The following HIC1 variants were observed in gnomAD, a reference collection of about 807,000 sequenced individuals.
The protein encoded by HIC1 is HIC ZBTB transcriptional repressor 1, also known as hypermethylated in cancer 1 protein.
In HIC1, 9 loss-of-function variants were observed where a neutral mutation model predicts 26.4. The observed-to-expected ratio is 0.34, with a 90% CI of 0.21 to 0.59. The LOEUF (loss-of-function observed/expected upper bound fraction) is 0.59. Among genes scored for constraint, HIC1 ranks in the 20% least tolerant of loss-of-function variants. The pLI, the probability that HIC1 is intolerant of heterozygous loss-of-function variation, is 0.82. For missense variants in HIC1, 965 were observed against 1,075.7 expected (o/e 0.90, Z 1.44); for synonymous variants, 631 against 523.1 (o/e 1.21, Z -2.81).
chr17:2,056,828 G>A lies in HIC1; in HGVS notation c.138G>A (p.Leu46=). ...TCTTCCGCGCGCACAAGAACGTGCTGGCGGCCAGCAGCGCCTACCTCAAGT... is the reference window on the plus strand; with the variant it reads ...TCTTCCGCGCGCACAAGAACGTGCTAGCGGCCAGCAGCGCCTACCTCAAGT... ...NALFRAHKNV[L]AASSAYLKSL... is the part of the protein sequence containing the mutation. The change falls in exon 2 of 2, where the codon CTG becomes CTA. Residue 46 remains leucine (L), a synonymous_variant. Transcript: ENST00000619757. 6.2e-7 allele frequency: 1 copy of A among 1,612,868 alleles called. No individual in the cohort carries two copies. Among genetic ancestry groups the A allele is most frequent in the African/African-American group, 1.3e-5 (1 of 75,074 alleles).
In HIC1 at chr17:2,061,475, G is replaced by GGC. The variant is rs2067774434; in HGVS notation, c.*2640_*2641insGC. On this transcript the variant is annotated 3_prime_UTR_variant, in exon 2 of 2. Transcript: ENST00000619757. ...TCAGGAACGGTTCCACGGGGGGGGGGCCCCAGTGTGGCTCCCTCAGCCCAC... is the reference window on the plus strand; with the variant it reads ...TCAGGAACGGTTCCACGGGGGGGGGGGCCCCCAGTGTGGCTCCCTCAGCCCAC... 6.4e-7 allele frequency: 1 copy of GGC among 1,565,314 alleles called. No individual in the cohort carries two copies. Among genetic ancestry groups the GGC allele is most frequent in the Non-Finnish European group, 8.6e-7 (1 of 1,156,798 alleles).
In HIC1 at chr17:2,057,226, C is replaced by A; in HGVS notation, c.536C>A (p.Pro179Gln). The A allele has an allele frequency of 7.1e-7, 1 of 1,414,426 alleles. No individual in the cohort carries two copies. Among genetic ancestry groups the A allele is most frequent in the Non-Finnish European group, 9.2e-7 (1 of 1,087,646 alleles). 87.6% of individuals were successfully genotyped at this position (1,414,426 alleles called of 1,614,324 possible). A position where few individuals can be genotyped will look rare whatever the true frequency, so the allele number is the denominator to read the frequency against. Residue 179 changes from proline to glutamine, a missense_variant, in exon 2 of 2, where the codon CCG becomes CAG. This residue lies in a region of HIC1 where 526 missense variants were observed against 525.0 expected (regional missense o/e 1.00). Transcript: ENST00000619757. ...CCGTCCCCAGTCGGGCCTCCGCCGCCGCCTGCCGCGGAGCCGCCCTCGGGC... is the reference window on the plus strand; with the variant it reads ...CCGTCCCCAGTCGGGCCTCCGCCGCAGCCTGCCGCGGAGCCGCCCTCGGGC... ...CYPSPVGPPP[P>Q]PAAEPPSGPE...
rs1002087914 is a variant in HIC1 at position 2,057,374 on chromosome 17, G to A, written c.684G>A (p.Lys228=). Residue 228 remains lysine (K), a synonymous_variant, in exon 2 of 2, where the codon AAG becomes AAA. Transcript: ENST00000619757. ...SPLCGLDLSK[K]SPPGSAAPER... is the part of the protein sequence containing the mutation. ...TTTGTGGCCTGGACCTGTCCAAGAA[G>A]AGCCCGCCGGGCTCCGCGGCGCCAG... 8.2e-6 allele frequency: 12 copies of A among 1,457,452 alleles called. No homozygotes were observed. The highest frequency in any genetic ancestry group is 5.9e-5 in the African/African-American group (4 of 67,778). The allele number at this position is 1,457,452 out of a possible 1,614,324, so 90.3% of individuals were successfully genotyped here.
Position 2,057,308 on chromosome 17 carries a change from G to C in HIC1, c.618G>C (p.Pro206=). 1 of 1,498,254 alleles carries C rather than the reference G, an allele frequency of 6.7e-7. No individual in the cohort carries two copies. Among genetic ancestry groups the C allele is most frequent in the Non-Finnish European group, 8.8e-7 (1 of 1,132,402 alleles). The allele number at this position is 1,498,254 out of a possible 1,614,324, so 92.8% of individuals were successfully genotyped here. A position where few individuals can be genotyped will look rare whatever the true frequency, so the allele number is the denominator to read the frequency against. The part of the protein sequence containing the change: ...CAELYASGPG[P]AAALCASERR... ...AGCTGTACGCGTCGGGACCCGGCCCGGCCGCCGCACTCTGTGCCTCGGAGC... is the reference window on the plus strand; with the variant it reads ...AGCTGTACGCGTCGGGACCCGGCCCCGCCGCCGCACTCTGTGCCTCGGAGC... The change falls in exon 2 of 2, where the codon CCG becomes CCC. Residue 206 remains proline (P), a synonymous_variant. Coordinates refer to ENST00000619757, the MANE Select transcript of HIC1 (RefSeq NM_006497.4).
chr17:2,056,200 G>C (rs1374388190), intron 1 of HIC1: 2 of 961,802 alleles, frequency 2.1e-6, no homozygotes, highest in Non-Finnish European at 3.4e-6. Context: ...CGGGCACCGC[G>C]CTCCCCTCCT....
Position 2,055,372 on chromosome 17 carries a change from G to T in HIC1, c.-21+134G>T, listed in dbSNP as rs1053393276. 6 of 152,196 alleles carry T rather than the reference G, an allele frequency of 3.9e-5. No individual in the cohort carries two copies. Among genetic ancestry groups the T allele is most frequent in the African/African-American group, 9.6e-5 (4 of 41,460 alleles). The allele number at this position is 152,196 out of a possible 1,614,324, so 9.4% of individuals were successfully genotyped here. A position where few individuals can be genotyped will look rare whatever the true frequency, so the allele number is the denominator to read the frequency against. On this transcript the variant is annotated intron_variant, in intron 1 of 1. Coordinates refer to ENST00000619757, the MANE Select transcript of HIC1 (RefSeq NM_006497.4). This position sits in a 1 kb window ranked among gnomAD's most constrained non-coding sequence, Gnocchi z 6.4. Reference sequence around the variant, plus strand: ...TGGCGGCTGGCGTTCAGGGCTCCGGGTGTCGTCCCTTTCGGACTCAGGACC... The same window carrying T: ...TGGCGGCTGGCGTTCAGGGCTCCGGTTGTCGTCCCTTTCGGACTCAGGACC...
chr17:2,058,079 A>G lies in HIC1; in HGVS notation c.1389A>G (p.Leu463=). Residue 463 remains leucine, a synonymous_variant, in exon 2 of 2, where the codon CTA becomes CTG. Coordinates refer to ENST00000619757, the MANE Select transcript of HIC1 (RefSeq NM_006497.4). Reference sequence around the variant, plus strand: ...AAGTGGCCGCTGGGGCCGCCGGCCTAGGGCCCCCTTTTGGAGGCGGCGGGG... The same window carrying G: ...AAGTGGCCGCTGGGGCCGCCGGCCTGGGGCCCCCTTTTGGAGGCGGCGGGG... The part of the protein sequence containing the change: ...AAEVAAGAAG[L]GPPFGGGGDK... 1 of 1,586,192 alleles carries G rather than the reference A, an allele frequency of 6.3e-7. No homozygotes were observed. The highest frequency in any genetic ancestry group is 8.6e-7 in the Non-Finnish European group (1 of 1,169,034).
rs1419642650 is a variant in HIC1, at chr17:2,058,650, C to T, written c.1960C>T (p.Leu654=). ...GCAGGACAAGGCGGCCGCGGCCGAGCTGCTGGCGCAGACCACGCACTTCCT... is the reference window on the plus strand; with the variant it reads ...GCAGGACAAGGCGGCCGCGGCCGAGTTGCTGGCGCAGACCACGCACTTCCT... ...KQQDKAAAAE[L]LAQTTHFLHD... is the part of the protein sequence containing the mutation. The change falls in exon 2 of 2, where the codon CTG becomes TTG. Residue 654 remains leucine (L), a synonymous_variant. Transcript: ENST00000619757. 6.4e-7 allele frequency: 1 copy of T among 1,563,612 alleles called. No individual in the cohort carries two copies. Among genetic ancestry groups the T allele is most frequent in the East Asian group, 2.4e-5 (1 of 41,394 alleles).
rs1200852775 is a variant in HIC1 at position 2,061,573 on chromosome 17, C to T, written c.*2738C>T. 1 of 1,572,522 alleles carries T rather than the reference C, an allele frequency of 6.4e-7. No homozygotes were observed. The highest frequency in any genetic ancestry group is 8.6e-7 in the Non-Finnish European group (1 of 1,158,644). On this transcript the variant is annotated 3_prime_UTR_variant, in exon 2 of 2. Transcript: ENST00000619757. ...TTGTGAGCGCCTTCACACGCAGGTTCCGGTCATCCGTCAACAGCACCACCT... is the reference window on the plus strand; with the variant it reads ...TTGTGAGCGCCTTCACACGCAGGTTTCGGTCATCCGTCAACAGCACCACCT...
At position 2,062,551 on chromosome 17, in the gene HIC1, C is replaced by T. The variant is rs892782795; in HGVS notation, c.*3716C>T. 8.6e-5 allele frequency: 13 copies of T among 151,428 alleles called. No individual in the cohort carries two copies. Among genetic ancestry groups the T allele is most frequent in the Admixed American group, 8.6e-4 (13 of 15,190 alleles). 9.4% of individuals were successfully genotyped at this position (151,428 alleles called of 1,614,324 possible). A position where few individuals can be genotyped will look rare whatever the true frequency, so the allele number is the denominator to read the frequency against. ...CTCCACTACCTCTCTTTCCCTAACT[C>T]CCTAATCTTTAACACATTGGAGAGA... On this transcript the variant is annotated 3_prime_UTR_variant, in exon 2 of 2. Transcript: ENST00000619757.
rs2151373415 is a variant in HIC1 at position 2,060,223 on chromosome 17, T to G, written c.*1388T>G. The G allele has an allele frequency of 6.6e-6, 1 of 152,500 alleles. No individual in the cohort carries two copies. Among genetic ancestry groups the G allele is most frequent in the East Asian group, 1.9e-4 (1 of 5,180 alleles). 9.4% of individuals were successfully genotyped at this position (152,500 alleles called of 1,614,324 possible). On this transcript the variant is annotated 3_prime_UTR_variant, in exon 2 of 2. Coordinates refer to ENST00000619757, the MANE Select transcript of HIC1 (RefSeq NM_006497.4). Reference sequence around the variant, plus strand: ...CTCCACCGAAAACCCCGTCTTCCCCTAAGTTGTCCTTGTCTCTGGCCCTGG... The same window carrying G: ...CTCCACCGAAAACCCCGTCTTCCCCGAAGTTGTCCTTGTCTCTGGCCCTGG...
Position 2,058,478 on chromosome 17 carries a change from GGGGGGCGCGGCCGGCGCGGCCGGGGCGCT to G in HIC1, c.1791_1819del (p.Ala599LeufsTer164). On this transcript the variant is annotated frameshift_variant, in exon 2 of 2. Transcript: ENST00000619757. LOFTEE classifies it high-confidence loss of function. ...TCAGCCACATGAAGATGCACGCCGTGGGGGGCGCGGCCGGCGCGGCCGGGGCGCTGGCGGGCTTGGGGGGGCTCCCCGGC... is the reference window on the plus strand; with the variant it reads ...TCAGCCACATGAAGATGCACGCCGTGGGCGGGCTTGGGGGGGCTCCCCGGC... 1 of 1,513,712 alleles carries G rather than the reference GGGGGGCGCGGCCGGCGCGGCCGGGGCGCT, an allele frequency of 6.6e-7. No individual in the cohort carries two copies. The highest frequency in any genetic ancestry group is 1.3e-5 in the South Asian group (1 of 75,826). 93.8% of individuals were successfully genotyped at this position (1,513,712 alleles called of 1,614,324 possible). A position where few individuals can be genotyped will look rare whatever the true frequency, so the allele number is the denominator to read the frequency against.
Position 2,057,506 on chromosome 17 carries a change from G to T in HIC1, c.816G>T (p.Pro272=), listed in dbSNP as rs1597302417. Residue 272 remains proline, a synonymous_variant, in exon 2 of 2, where the codon CCG becomes CCT. Transcript: ENST00000619757. ...EPPLALPSLP[P]LPFQKLEEAA... The stretch of plus-strand genomic sequence containing the variant: ...CTCTCGCCCTGCCGTCGCTGCCGCC[G>T]CTGCCCTTCCAGAAGCTGGAGGAGG... The T allele has an allele frequency of 4.7e-6, 7 of 1,489,436 alleles. No individual in the cohort carries two copies. In the East Asian group the frequency reaches 2.0e-4, roughly 43 times the overall value. The allele number at this position is 1,489,436 out of a possible 1,614,324, so 92.3% of individuals were successfully genotyped here.
Position 2,062,234 on chromosome 17 carries a change from C to G in HIC1, c.*3399C>G, listed in dbSNP as rs542170729. 9 of 152,470 alleles carry G rather than the reference C, an allele frequency of 5.9e-5. No individual in the cohort carries two copies. Among genetic ancestry groups the G allele is most frequent in the African/African-American group, 2.2e-4 (9 of 41,420 alleles). 9.4% of individuals were successfully genotyped at this position (152,470 alleles called of 1,614,324 possible). On this transcript the variant is annotated 3_prime_UTR_variant, in exon 2 of 2. Transcript: ENST00000619757. ...GTCGCCCCTGCTAAGTAACAGTAAT[C>G]CATGTATACAGGCGAAAGTCTCTAA... is the stretch of plus-strand genomic sequence containing the variant.
rs1007930617 is a variant in HIC1 at position 2,059,837 on chromosome 17, G to A, written c.*1002G>A. 3 of 166,704 alleles carry A rather than the reference G, an allele frequency of 1.8e-5. No individual in the cohort carries two copies. Among genetic ancestry groups the A allele is most frequent in the African/African-American group, 7.2e-5 (3 of 41,454 alleles). The allele number at this position is 166,704 out of a possible 1,614,324, so 10.3% of individuals were successfully genotyped here. The stretch of plus-strand genomic sequence containing the variant: ...AGTCCCAGAAACAGATCAGCAAGAG[G>A]TCAGGTATGTTTCATAACTAAAAAT... On this transcript the variant is annotated 3_prime_UTR_variant, in exon 2 of 2. Transcript: ENST00000619757.
chr17:2,056,026 C>T (rs1204700718), intron 1 of HIC1, among the ~76,000 whole-genome samples: 1 of 147,554 alleles, frequency 6.8e-6, no homozygotes, highest in Non-Finnish European at 1.5e-5. Context: ...CTCCCCCCCA[C>T]CTGCTTCCTG....
rs2067827209 is a variant in HIC1 at position 2,062,975 on chromosome 17, G to A, written c.*4140G>A. 6.5e-6 allele frequency: 1 copy of A among 152,766 alleles called. No homozygotes were observed. Among genetic ancestry groups the A allele is most frequent in the African/African-American group, 2.4e-5 (1 of 41,476 alleles). 9.5% of individuals were successfully genotyped at this position (152,766 alleles called of 1,614,324 possible). A position where few individuals can be genotyped will look rare whatever the true frequency, so the allele number is the denominator to read the frequency against. The stretch of plus-strand genomic sequence containing the variant: ...AGAGGGGAAAGGAAGGTGGCCTCGG[G>A]TGAGGGGATACTCAGAGACTACTCA... On this transcript the variant is annotated 3_prime_UTR_variant, in exon 2 of 2. Transcript: ENST00000619757.
Position 2,055,734 on chromosome 17 carries a change from G to A in HIC1, c.-21+496G>A, listed in dbSNP as rs1255338326. On this transcript the variant is annotated intron_variant, in intron 1 of 1. Coordinates refer to ENST00000619757, the MANE Select transcript of HIC1 (RefSeq NM_006497.4). This position sits in a 1 kb window ranked among gnomAD's most constrained non-coding sequence, Gnocchi z 6.4. The stretch of plus-strand genomic sequence containing the variant: ...CTCCGGGCTCTGCCGCCGGATTTGG[G>A]GGCCGCGAGGAAGAGCTGCGAGCCG... Among the ~76,000 whole-genome samples the A allele has an allele frequency of 6.6e-6, 1 of 151,740 alleles. No homozygotes were observed. The highest frequency in any genetic ancestry group is 1.5e-5 in the Non-Finnish European group (1 of 67,892).
In HIC1 at chr17:2,060,175, G is replaced by A. The variant is rs2067732146; in HGVS notation, c.*1340G>A. 1 of 152,344 alleles carries A rather than the reference G, an allele frequency of 6.6e-6. No homozygotes were observed. The highest frequency in any genetic ancestry group is 1.5e-5 in the Non-Finnish European group (1 of 68,148). 9.4% of individuals were successfully genotyped at this position (152,344 alleles called of 1,614,324 possible). On this transcript the variant is annotated 3_prime_UTR_variant, in exon 2 of 2. Transcript: ENST00000619757. Reference sequence around the variant, plus strand: ...ATGGGCTCTGGGGTATCCCCCACTGGTCCCATTAAGATTTGCCCCTGGCTC... The same window carrying A: ...ATGGGCTCTGGGGTATCCCCCACTGATCCCATTAAGATTTGCCCCTGGCTC...
Sources: gnomAD v4.1 joint callset for allele counts (sites outside exome capture counted in the v4.1 genomes callset) on GRCh38, gnomAD v4.1.1 for gene constraint, gnomAD v4.1.1 regional missense constraint, Gnocchi (gnomAD v3.1) non-coding constraint, MANE v1.5 for transcripts, NCBI Gene and HGNC (gene_info 2026-07-23, HGNC 2026-07-21) for gene names.